Variants in NRG1 observed in about 807,000 individuals in gnomAD.
NRG1 encodes the protein pro-neuregulin-1, membrane-bound isoform.
In NRG1, 18 loss-of-function variants were observed where a neutral mutation model predicts 63.8. The ratio of observed to expected loss-of-function variants is 0.28; its 90% CI spans 0.19 to 0.42. NRG1 has a LOEUF of 0.42. Among genes scored for constraint, NRG1 ranks in the 10% least tolerant of loss-of-function variants. The pLI, the probability that NRG1 is intolerant of heterozygous loss-of-function variation, is 1.00. For missense variants in NRG1, 762 were observed against 814.7 expected (o/e 0.94, Z 0.79); for synonymous variants, 302 against 301.3 (o/e 1.00, Z -0.02).
intron 1 of NRG1, among the ~76,000 whole-genome samples, chr8:31,768,255 T>C (rs1220713859): frequency 6.6e-6 from 1 of 152,172 alleles, no homozygotes; most frequent in Non-Finnish European, 1.5e-5. Context: ...AGCTGATATT[T>C]CCCATATAGA....
intron 1 of NRG1, among the ~76,000 whole-genome samples, chr8:32,296,643 A>T (rs1450960050): frequency 6.6e-6 from 1 of 151,790 alleles, no homozygotes; most frequent in Non-Finnish European, 1.5e-5. Context: ...AGCTTCCTTA[A>T]AAACAAAAAA....
chr8:32,503,146 G>T (rs1337393593), intron 1 of NRG1, among the ~76,000 whole-genome samples: 1 of 151,610 alleles, frequency 6.6e-6, no homozygotes, highest in Non-Finnish European at 1.5e-5. Context: ...AATTAGCTGG[G>T]CATGGTGGCG....
intron 1 of NRG1, among the ~76,000 whole-genome samples, chr8:31,861,169 G>GAA (rs1285685215): frequency 6.6e-6 from 1 of 152,088 alleles, no homozygotes; most frequent in Non-Finnish European, 1.5e-5. Flanking sequence ...CTGTGCTACC[G>GAA]AAAAAACACT....
intron 1 of NRG1, among the ~76,000 whole-genome samples, chr8:32,521,350 C>T (rs927355708): frequency 2.0e-5 from 3 of 152,072 alleles, no homozygotes; most frequent in Admixed American, 6.6e-5. Flanking sequence ...CTTTTTAGTG[C>T]TCAGTATTCC....
chr8:31,789,949 T>A (rs1427726179), intron 1 of NRG1, among the ~76,000 whole-genome samples: 2 of 152,160 alleles, frequency 1.3e-5, no homozygotes, highest in African/African-American at 2.4e-5. Flanking sequence ...ACTATGATCT[T>A]TTTTTAGGGA....
chr8:32,211,871 A>C lies in NRG1; in HGVS notation c.38-383957A>C, dbSNP rs181884875. Among the ~76,000 whole-genome samples the C allele has an allele frequency of 1.3e-3, 193 of 152,234 alleles. 1 individual carries two copies. The highest frequency in any genetic ancestry group is 4.5e-3 in the African/African-American group (185 of 41,558). On this transcript the variant is annotated intron_variant, in intron 1 of 10. Transcript: ENST00000519301. The stretch of plus-strand genomic sequence containing the variant: ...ACCACCTCCTCCCATACTATCTCCA[A>C]GGATAGAAAAATACTGTTTTCTCCT...
chr8:32,698,913 A>G (rs1048240920), intron 5 of NRG1, among the ~76,000 whole-genome samples: 2 of 152,212 alleles, frequency 1.3e-5, no homozygotes, highest in Non-Finnish European at 2.9e-5. Context: ...CTCCAGACAG[A>G]ACTTCACCTA....
At chr8:32,477,206 G>A (rs1824634540) in intron 1 of NRG1, among the ~76,000 whole-genome samples, 1 of 152,152 alleles carries the variant, frequency 6.6e-6, no homozygotes, top group Admixed American at 6.5e-5. Flanking sequence ...CACAAGGAAA[G>A]AACAAAGCCA....
chr8:32,045,305 A>G (rs1177666827), intron 1 of NRG1, among the ~76,000 whole-genome samples: 1 of 151,934 alleles, frequency 6.6e-6, no homozygotes, highest in African/African-American at 2.4e-5. Context: ...GCTAAAAACT[A>G]CAAACCCTCA....
intron 1 of NRG1, among the ~76,000 whole-genome samples, chr8:31,718,044 G>A (rs1009120227): frequency 6.6e-6 from 1 of 152,162 alleles, no homozygotes; most frequent in Admixed American, 6.5e-5. Flanking sequence ...ACATAAAAAT[G>A]TCTTGACTCT....
chr8:32,220,598 G>A (rs906989098), intron 1 of NRG1, among the ~76,000 whole-genome samples: 3 of 152,174 alleles, frequency 2.0e-5, no homozygotes, highest in African/African-American at 7.2e-5. Context: ...CAAAGGAGGG[G>A]AAAATATATC....
At chr8:32,342,242 T>G (rs954982030) in intron 1 of NRG1, among the ~76,000 whole-genome samples, 4 of 152,190 alleles carry the variant, frequency 2.6e-5, no homozygotes, top group Non-Finnish European at 2.9e-5. Flanking sequence ...GCAGCCAAAA[T>G]AGCTGTAGAA....
intron 1 of NRG1, among the ~76,000 whole-genome samples, chr8:31,780,458 G>A (rs952608791): frequency 6.6e-6 from 1 of 152,108 alleles, no homozygotes; most frequent in African/African-American, 2.4e-5. Flanking sequence ...TGGAACAGAT[G>A]GATTGAATGA....
intron 1 of NRG1, among the ~76,000 whole-genome samples, chr8:32,433,074 T>A (rs1563457631): frequency 2.6e-5 from 4 of 152,146 alleles, no homozygotes; most frequent in African/African-American, 9.7e-5. Flanking sequence ...TGGCACATAC[T>A]ATCTGCCCCA....
intron 5 of NRG1, among the ~76,000 whole-genome samples, chr8:32,709,222 C>G (rs13439182): frequency 0.095 from 14,396 of 152,036 alleles, 729 homozygotes; most frequent in African/African-American, 0.12. Context: ...CTACAAAGTT[C>G]AATATTTTAG....
chr8:31,666,306 CT>C (rs1406507717), intron 1 of NRG1, among the ~76,000 whole-genome samples: 1 of 152,164 alleles, frequency 6.6e-6, no homozygotes. Flanking sequence ...TCTTCCCTCT[CT>C]GATTTGTGTT....
intron 1 of NRG1, among the ~76,000 whole-genome samples, chr8:32,573,374 A>G (rs1326800046): frequency 6.6e-6 from 1 of 150,388 alleles, no homozygotes; most frequent in Non-Finnish European, 1.5e-5. Flanking sequence ...CTCCAATAAA[A>G]CTTTATTTAC....
rs533772670 is a variant in NRG1, at chr8:32,044,076, T to G, written c.37+404645T>G. Among the ~76,000 whole-genome samples the G allele has an allele frequency of 3.6e-4, 55 of 151,928 alleles. 1 individual carries two copies. The highest frequency in any genetic ancestry group is 7.1e-4 in the Non-Finnish European group (48 of 67,800). ...TGTACAAAAAATCACTTTAAAATAA[T>G]GACAAAGGTATGCCCAAAGTAAAAA... is the stretch of plus-strand genomic sequence containing the variant. On this transcript the variant is annotated intron_variant, in intron 1 of 10. Transcript: ENST00000519301.
At chr8:32,509,274 C>T (rs1372179217) in intron 1 of NRG1, among the ~76,000 whole-genome samples, 2 of 150,942 alleles carry the variant, frequency 1.3e-5, no homozygotes, top group Non-Finnish European at 3.0e-5. Context: ...TGTATTTTTT[C>T]ATAGAGATGA....
Sources: gnomAD v4.1 joint callset for allele counts (sites outside exome capture counted in the v4.1 genomes callset) on GRCh38, gnomAD v4.1.1 for gene constraint, MANE v1.5 for transcripts, NCBI Gene and HGNC (gene_info 2026-07-23, HGNC 2026-07-21) for gene names.